The following MAP3K1 variants were observed in gnomAD, a reference collection of about 807,000 sequenced individuals.
The protein encoded by MAP3K1 is mitogen-activated protein kinase kinase kinase 1.
MAP3K1 carries 36 observed loss-of-function variants against 144.2 expected under a neutral mutation model. That is an observed-to-expected ratio of 0.25 (90% confidence interval 0.19 to 0.33). The LOEUF (loss-of-function observed/expected upper bound fraction) is 0.33. MAP3K1 is among the 10% of genes least tolerant of loss of function. The pLI is 1.00. For missense variants in MAP3K1, 1,650 were observed against 1,881.9 expected (o/e 0.88, Z 2.28); for synonymous variants, 718 against 688.7 (o/e 1.04, Z -0.67).
chr5:56,858,416 C>T (rs1431896703), intron 2 of MAP3K1, among the ~76,000 whole-genome samples: 1 of 152,212 alleles, frequency 6.6e-6, no homozygotes, highest in African/African-American at 2.4e-5. Context: ...GTATATAAGA[C>T]ATGAGTGAAG....
intron 1 of MAP3K1, among the ~76,000 whole-genome samples, chr5:56,834,441 GA>G (rs1396919212): frequency 6.6e-6 from 1 of 152,180 alleles, no homozygotes; most frequent in Non-Finnish European, 1.5e-5. Flanking sequence ...TGTATGCCTG[GA>G]TATGAGGACA....
chr5:56,861,961 C>T (rs1249170452), intron 3 of MAP3K1: 1 of 152,090 alleles, frequency 6.6e-6, no homozygotes. Flanking sequence ...AAAGCAAAAA[C>T]ATTTTACAGT....
chr5:56,838,736 C>T (rs971539036), intron 1 of MAP3K1, among the ~76,000 whole-genome samples: 2 of 152,134 alleles, frequency 1.3e-5, no homozygotes, highest in East Asian at 1.9e-4. Flanking sequence ...GCAGTGATCC[C>T]GTCTTCCAGT....
chr5:56,872,787 A>C (rs776537734), intron 8 of MAP3K1, 38 bp from the exon 9 acceptor site: 1 of 1,612,094 alleles, frequency 6.2e-7, no homozygotes, highest in Non-Finnish European at 8.5e-7. Context: ...GGTTTGTCTT[A>C]ATTTTTTTAA....
At position 56,882,346 on chromosome 5, in the gene MAP3K1, C is replaced by T; in HGVS notation, c.3146C>T (p.Ser1049Leu). Reference protein sequence around the residue: ...SDKLSPVFTQSRPLPSSNIHR... With the variant: ...SDKLSPVFTQLRPLPSSNIHR... ...AAACTTTCCCCAGTCTTTACTCAGT[C>T]AAGACCCTTGCCCTCCAGTAACATA... is the stretch of plus-strand genomic sequence containing the variant. Residue 1049 changes from serine (S) to leucine (L), a missense_variant, in exon 14 of 20, where the codon TCA becomes TTA. By Grantham distance (145) the Ser-to-Leu change is moderately radical. Around this residue, in one of 6 missense-constraint regions of MAP3K1, gnomAD observed 841 missense variants for 886.5 expected, o/e 0.95. Coordinates refer to ENST00000399503, the MANE Select transcript of MAP3K1 (RefSeq NM_005921.2). 6.2e-7 allele frequency: 1 copy of T among 1,614,182 alleles called. No homozygotes were observed. The highest frequency in any genetic ancestry group is 1.3e-5 in the African/African-American group (1 of 75,052).
At chr5:56,820,403 A>C in intron 1 of MAP3K1, 1 of 982,892 alleles carries the variant, frequency 1.0e-6, no homozygotes, top group Non-Finnish European at 1.2e-6. Flanking sequence ...TTAAGGAGAA[A>C]TTTGTTTTGC....
intron 6 of MAP3K1, among the ~76,000 whole-genome samples, chr5:56,868,168 T>C (rs965650509): frequency 3.3e-5 from 5 of 152,198 alleles, no homozygotes; most frequent in Non-Finnish European, 7.3e-5. Flanking sequence ...TCTGCCCTTA[T>C]ATCCTGAAAA....
intron 18 of MAP3K1, 63 bp downstream of exon 18, chr5:56,887,583 A>T (rs1435244714): frequency 1.3e-6 from 2 of 1,567,994 alleles, no homozygotes; most frequent in South Asian, 1.1e-5. Context: ...ACAGCATTAT[A>T]CTAAATTATC....
intron 11 of MAP3K1, among the ~76,000 whole-genome samples, chr5:56,879,409 C>T (rs1400185538): frequency 6.6e-6 from 1 of 152,020 alleles, no homozygotes; most frequent in Non-Finnish European, 1.5e-5. Flanking sequence ...ACATTTATAT[C>T]TATAAGTTAT....
intron 1 of MAP3K1, among the ~76,000 whole-genome samples, chr5:56,827,820 C>T (rs770556356): frequency 1.7e-4 from 25 of 151,514 alleles, no homozygotes; most frequent in Non-Finnish European, 1.6e-4. Flanking sequence ...GCTGAGATCG[C>T]GCCACTGCTC....
In MAP3K1 at chr5:56,889,610, T is replaced by A. The variant is rs896486496; in HGVS notation, c.4389+1253T>A. On this transcript the variant is annotated intron_variant, in intron 19 of 19. Transcript: ENST00000399503. ...TTGATATTCTTAGCTTTTCAGTAGATGTGATGGTTGAAATCATGGGCTTTG... is the reference window on the plus strand; with the variant it reads ...TTGATATTCTTAGCTTTTCAGTAGAAGTGATGGTTGAAATCATGGGCTTTG... Among the ~76,000 whole-genome samples, 3 of 152,238 alleles carry A rather than the reference T, an allele frequency of 2.0e-5. No individual in the cohort carries two copies. In the East Asian group the frequency reaches 5.8e-4, roughly 29 times the overall value.
Position 56,885,980 on chromosome 5 carries a change from CAGT to C in MAP3K1, c.4035_4037del (p.Val1346del). 1 of 1,611,134 alleles carries C rather than the reference CAGT, an allele frequency of 6.2e-7. No homozygotes were observed. The highest frequency in any genetic ancestry group is 8.5e-7 in the Non-Finnish European group (1 of 1,177,328). ...AGTAAATATGGAGCCTTCAAAGAAT[CAGT>C]AGTTATTAACTACACTGAACAGTTA... On this transcript the variant is annotated inframe_deletion, in exon 17 of 20. Coordinates refer to ENST00000399503, the MANE Select transcript of MAP3K1 (RefSeq NM_005921.2).
At position 56,882,776 on chromosome 5, in the gene MAP3K1, C is replaced by T; in HGVS notation, c.3576C>T (p.Ala1192=). Residue 1192 remains alanine, a synonymous_variant, in exon 14 of 20, where the codon GCC becomes GCT. Coordinates refer to ENST00000399503, the MANE Select transcript of MAP3K1 (RefSeq NM_005921.2). Reference sequence around the variant, plus strand: ...AAGAAGAAGAAGCTTTAGCAATTGCCATGGCAATGTCAGCGTCTCAGGATG... The same window carrying T: ...AAGAAGAAGAAGCTTTAGCAATTGCTATGGCAATGTCAGCGTCTCAGGATG... The part of the protein sequence containing the change: ...EAEEEEALAI[A]MAMSASQDAL... 1.9e-6 allele frequency: 3 copies of T among 1,611,694 alleles called. No individual in the cohort carries two copies. The highest frequency in any genetic ancestry group is 2.5e-6 in the Non-Finnish European group (3 of 1,179,028).
rs1747891123 is a variant in MAP3K1 at position 56,872,706 on chromosome 5, T to C, written c.1489T>C (p.Ser497Pro). Residue 497 changes from serine (S) to proline (P), a missense_variant, in exon 8 of 20, where the codon TCT becomes CCT. Physicochemically the swap from Ser to Pro is moderately conservative, Grantham distance 74. This residue lies in a region of MAP3K1 where 841 missense variants were observed against 886.5 expected (regional missense o/e 0.95). Transcript: ENST00000399503. Reference protein sequence around the residue: ...ICPLCRSKWRSHDFYSHELSS... With the variant: ...ICPLCRSKWRPHDFYSHELSS... ...TCCCCTTTGTAGATCTAAGTGGAGA[T>C]CTCATGATTTCTACAGGTAATAATT... 7 of 1,603,982 alleles carry C rather than the reference T, an allele frequency of 4.4e-6. No individual in the cohort carries two copies. In the East Asian group the frequency reaches 1.6e-4, roughly 36 times the overall value.
chr5:56,882,174 T>G lies in MAP3K1; in HGVS notation c.2974T>G (p.Ser992Ala). ...ALSTPSSSTP[S>A]VPAGTATDVS... ...GTCAACCCCTTCTTCTTCTACCCCA[T>G]CTGTACCAGCTGGCACTGCAACAGA... Residue 992 changes from serine (S) to alanine (A), a missense_variant, in exon 14 of 20, where the codon TCT becomes GCT. Transcript: ENST00000399503. 6.2e-7 allele frequency: 1 copy of G among 1,614,058 alleles called. No individual in the cohort carries two copies. The highest frequency in any genetic ancestry group is 8.5e-7 in the Non-Finnish European group (1 of 1,179,936).
At chr5:56,885,321 C>T (rs1748347385) in intron 16 of MAP3K1, among the ~76,000 whole-genome samples, 1 of 152,054 alleles carries the variant, frequency 6.6e-6, no homozygotes, top group African/African-American at 2.4e-5. Flanking sequence ...ATGTGATGAA[C>T]AGATTGTTTG....
chr5:56,816,023 C>T lies in MAP3K1; in HGVS notation c.450C>T (p.Ala150=). Reference sequence around the variant, plus strand: ...AGCCCGGGGAGAAGCGGGCGCCCGCCGCCGAGCCGTCTCCTGCAGCGGCCC... The same window carrying T: ...AGCCCGGGGAGAAGCGGGCGCCCGCTGCCGAGCCGTCTCCTGCAGCGGCCC... ...AAEPGEKRAP[A]AEPSPAAAPA... The change falls in exon 1 of 20, where the codon GCC becomes GCT. Residue 150 remains alanine, a synonymous_variant. Coordinates refer to ENST00000399503, the MANE Select transcript of MAP3K1 (RefSeq NM_005921.2). The T allele has an allele frequency of 5.7e-6, 7 of 1,223,292 alleles. No individual in the cohort carries two copies. Among genetic ancestry groups the T allele is most frequent in the African/African-American group, 1.6e-5 (1 of 63,696 alleles). 75.8% of individuals were successfully genotyped at this position (1,223,292 alleles called of 1,614,324 possible). A position where few individuals can be genotyped will look rare whatever the true frequency, so the allele number is the denominator to read the frequency against.
chr5:56,849,601 T>C (rs1233938101), intron 1 of MAP3K1, among the ~76,000 whole-genome samples: 2 of 152,248 alleles, frequency 1.3e-5, no homozygotes, highest in Non-Finnish European at 2.9e-5. Flanking sequence ...TTATAAATGT[T>C]GTATCATATA....
At position 56,880,562 on chromosome 5, in the gene MAP3K1, A is replaced by G. The variant is rs1321735837; in HGVS notation, c.2088-149A>G. The G allele has an allele frequency of 8.6e-6, 6 of 696,544 alleles. 1 individual carries two copies. Among genetic ancestry groups the G allele is most frequent in the African/African-American group, 5.3e-5 (3 of 56,608 alleles). 43.1% of individuals were successfully genotyped at this position (696,544 alleles called of 1,614,324 possible). On this transcript the variant is annotated intron_variant, in intron 11 of 19. Transcript: ENST00000399503. ...AATGAATATTACTACTTATGGTGAC[A>G]TTGTTAATATGATTTTAGTGGTGGA... is the stretch of plus-strand genomic sequence containing the variant.
Sources: gnomAD v4.1 joint callset for allele counts (sites outside exome capture counted in the v4.1 genomes callset) on GRCh38, gnomAD v4.1.1 for gene constraint, gnomAD v4.1.1 regional missense constraint, MANE v1.5 for transcripts, NCBI Gene and HGNC (gene_info 2026-07-23, HGNC 2026-07-21) for gene names.